ABCA13: variants seen among roughly 807,000 people sequenced by gnomAD.
ABCA13 encodes the protein ATP-binding cassette sub-family A member 13.
ABCA13 carries 476 observed loss-of-function variants against 478.7 expected under a neutral mutation model. That is an observed-to-expected ratio of 0.99 (90% CI 0.92 to 1.07). The LOEUF (loss-of-function observed/expected upper bound fraction) is 1.07. ABCA13 is among the 50% of genes least tolerant of loss of function. ABCA13 has a pLI of 0.00. For synonymous variants in ABCA13, 2,252 were observed against 2,158.9 expected, an observed-to-expected ratio of 1.04 and a Z score of -1.20; for missense variants, 6,060 against 5,910.6, an observed-to-expected ratio of 1.03 and a Z score of -0.83.
chr7:48,390,424 G>C (rs951247337), intron 37 of ABCA13, among the ~76,000 whole-genome samples: 1 of 152,180 alleles, frequency 6.6e-6, no homozygotes, highest in African/African-American at 2.4e-5. Flanking sequence ...CTATTTTATA[G>C]TATCCCCCAG....
chr7:48,263,045 T>A, intron 15 of ABCA13, among the ~76,000 whole-genome samples: 1 of 151,896 alleles, frequency 6.6e-6, no homozygotes, highest in African/African-American at 2.4e-5. Context: ...TTGTGTTGCA[T>A]GTATTGTGCA....
intron 43 of ABCA13, among the ~76,000 whole-genome samples, chr7:48,465,637 C>T (rs1196644267): frequency 6.6e-6 from 1 of 150,494 alleles, no homozygotes; most frequent in African/African-American, 2.4e-5. Flanking sequence ...TGTATAATAA[C>T]CAAAGCAGGG....
chr7:48,646,812 T>C lies in ABCA13; in HGVS notation c.*1300T>C, dbSNP rs1037628945. 2 of 152,166 alleles carry C rather than the reference T, an allele frequency of 1.3e-5. No homozygotes were observed. The highest frequency in any genetic ancestry group is 2.9e-5 in the Non-Finnish European group (2 of 68,028). The allele number at this position is 152,166 out of a possible 1,614,324, so 9.4% of individuals were successfully genotyped here. Reference sequence around the variant, plus strand: ...GGGATTACAGGCGTGAGCCACCGTGTCCGGCCGTAGTTTATTTTAAAATAT... The same window carrying C: ...GGGATTACAGGCGTGAGCCACCGTGCCCGGCCGTAGTTTATTTTAAAATAT... On this transcript the variant is annotated 3_prime_UTR_variant, in exon 62 of 62. Transcript: ENST00000435803.
chr7:48,340,008 C>T (rs1451056149), intron 29 of ABCA13, among the ~76,000 whole-genome samples: 1 of 152,118 alleles, frequency 6.6e-6, no homozygotes, highest in African/African-American at 2.4e-5. Context: ...ATAAACAGTA[C>T]CTGGAAACTG....
chr7:48,286,927 T>C (rs2128800258), intron 19 of ABCA13, among the ~76,000 whole-genome samples: 1 of 152,322 alleles, frequency 6.6e-6, no homozygotes, highest in South Asian at 2.1e-4. Flanking sequence ...TTATTTTCTG[T>C]CATGACCAAG....
At chr7:48,422,021 G>A (rs1820806367) in intron 41 of ABCA13, among the ~76,000 whole-genome samples, 1 of 122,210 alleles carries the variant, frequency 8.2e-6, no homozygotes, top group Admixed American at 1.1e-4. Flanking sequence ...GCCACTTTCT[G>A]TTGGCCCCAA....
At chr7:48,238,762 C>T (rs1159054667) in intron 8 of ABCA13, among the ~76,000 whole-genome samples, 1 of 152,200 alleles carries the variant, frequency 6.6e-6, no homozygotes, top group East Asian at 1.9e-4. Context: ...GCCACCGTGC[C>T]CAGCCACTGT....
In ABCA13 at chr7:48,570,319, C is replaced by CTTTTTTT. The variant is rs35693419; in HGVS notation, c.14355-9888_14355-9882dup. Among the ~76,000 whole-genome samples the CTTTTTTT allele has an allele frequency of 4.4e-4, 39 of 88,208 alleles. 2 individuals are homozygous for CTTTTTTT. The highest frequency in any genetic ancestry group is 1.5e-3 in the East Asian group (4 of 2,632). 57.9% of individuals were successfully genotyped at this position (88,208 alleles called of 152,430 possible). A position where few individuals can be genotyped will look rare whatever the true frequency, so the allele number is the denominator to read the frequency against. ...TTCATTGTATATCTTTTTGCATCCT[C>CTTTTTTT]TTTTTTTTTTTTTTTTTTTTTTTGA... On this transcript the variant is annotated intron_variant, in intron 55 of 61. Transcript: ENST00000435803.
Position 48,524,279 on chromosome 7 carries a change from T to G in ABCA13, c.14083T>G (p.Ser4695Ala). 6.2e-7 allele frequency: 1 copy of G among 1,612,544 alleles called. No individual in the cohort carries two copies. Among genetic ancestry groups the G allele is most frequent in the South Asian group, 1.1e-5 (1 of 90,738 alleles). ...GHSTLQGTVK[S>A]SKDTDVEKEE... is the part of the protein sequence containing the mutation. ...TTCTACTCTCCAAGGCACAGTCAAA[T>G]CTTCTAAGGATACAGATGTTGAAAA... Residue 4695 changes from serine (S) to alanine (A), a missense_variant, in exon 54 of 62, where the codon TCT becomes GCT. Transcript: ENST00000435803.
intron 3 of ABCA13, among the ~76,000 whole-genome samples, chr7:48,199,490 C>G (rs10224298): frequency 6.6e-6 from 1 of 152,120 alleles, no homozygotes; most frequent in Non-Finnish European, 1.5e-5. Context: ...ATCCTATTCA[C>G]GAAGGCTCTG....
At chr7:48,196,734 C>T (rs1797986633) in intron 2 of ABCA13, among the ~76,000 whole-genome samples, 2 of 152,062 alleles carry the variant, frequency 1.3e-5, no homozygotes. Flanking sequence ...TCTGTGGGGC[C>T]ACCATTTCTG....
At chr7:48,419,599 C>T (rs1415092976) in intron 41 of ABCA13, among the ~76,000 whole-genome samples, 1 of 152,082 alleles carries the variant, frequency 6.6e-6, no homozygotes, top group Non-Finnish European at 1.5e-5. Flanking sequence ...CTGTTAGTCA[C>T]CCCAGAACAG....
chr7:48,280,004 G>C, intron 18 of ABCA13, 84 bp downstream of exon 18: 1 of 1,335,448 alleles, frequency 7.5e-7, no homozygotes, highest in Non-Finnish European at 9.7e-7. Context: ...ACAGTGAATC[G>C]GGGTAAGTAG....
intron 4 of ABCA13, 125 bp downstream of exon 4, chr7:48,219,630 G>A: frequency 8.0e-7 from 1 of 1,249,734 alleles, no homozygotes; most frequent in South Asian, 1.6e-5. Context: ...TTCATAGTGA[G>A]TCTTTGATGG....
chr7:48,424,139 G>C (rs1821115793), intron 41 of ABCA13, among the ~76,000 whole-genome samples: 1 of 152,168 alleles, frequency 6.6e-6, no homozygotes, highest in Admixed American at 6.5e-5. Flanking sequence ...GACATTAGAT[G>C]TTTAGCCTGC....
chr7:48,512,432 A>G (rs1419588913), intron 51 of ABCA13, among the ~76,000 whole-genome samples: 1 of 152,170 alleles, frequency 6.6e-6, no homozygotes, highest in South Asian at 2.1e-4. Flanking sequence ...AAACATGCTT[A>G]TAGTAGACAT....
At chr7:48,271,102 T>G (rs1224180779) in intron 16 of ABCA13, among the ~76,000 whole-genome samples, 7 of 152,218 alleles carry the variant, frequency 4.6e-5, no homozygotes, top group Non-Finnish European at 1.0e-4. Context: ...TTCTAAAGGA[T>G]GAACATCCTG....
Position 48,575,099 on chromosome 7 carries a change from A to G in ABCA13, c.14355-5125A>G, listed in dbSNP as rs552136755. Among the ~76,000 whole-genome samples the G allele has an allele frequency of 3.3e-5, 5 of 152,194 alleles. No homozygotes were observed. In the South Asian group the frequency reaches 1.0e-3, roughly 32 times the overall value. ...AACACATGTAAACATTTTATGGTAC[A>G]TACTTAGACTTAACATTTATTCATT... On this transcript the variant is annotated intron_variant, in intron 55 of 61. Coordinates refer to ENST00000435803, the MANE Select transcript of ABCA13 (RefSeq NM_152701.5).
At chr7:48,545,121 T>C (rs927040900) in intron 55 of ABCA13, among the ~76,000 whole-genome samples, 2 of 151,788 alleles carry the variant, frequency 1.3e-5, no homozygotes, top group African/African-American at 2.4e-5. Flanking sequence ...TATGTAAATT[T>C]CTGATTTGGA....
Sources: gnomAD v4.1 joint callset for allele counts (sites outside exome capture counted in the v4.1 genomes callset) on GRCh38, gnomAD v4.1.1 for gene constraint, MANE v1.5 for transcripts, NCBI Gene and HGNC (gene_info 2026-07-23, HGNC 2026-07-21) for gene names.